Variants in CUL2 observed in about 807,000 individuals in gnomAD.
CUL2 encodes cullin 2.
A neutral mutation model predicts 110.2 loss-of-function variants in CUL2; 22 were observed. The observed-to-expected ratio is 0.20, with a 90% CI of 0.14 to 0.28. The LOEUF (loss-of-function observed/expected upper bound fraction) is 0.28. Among genes scored for constraint, CUL2 ranks in the 10% least tolerant of loss-of-function variants. CUL2 has a pLI of 1.00. For missense variants in CUL2, 631 were observed against 905.5 expected, an observed-to-expected ratio of 0.70 and a Z score of 3.89; for synonymous variants, 279 against 293.2, an observed-to-expected ratio of 0.95 and a Z score of 0.49.
chr10:35,069,174 T>A (rs1373994126), intron 2 of CUL2, among the ~76,000 whole-genome samples: 3 of 152,074 alleles, frequency 2.0e-5, no homozygotes, highest in Non-Finnish European at 2.9e-5. Context: ...GCCTGTACTC[T>A]TTAATCATTA....
At chr10:35,040,859 G>A (rs187341058) in intron 8 of CUL2, among the ~76,000 whole-genome samples, 92 of 152,286 alleles carry the variant, frequency 6.0e-4, no homozygotes, top group African/African-American at 1.8e-3. Flanking sequence ...TGGAGTTTGC[G>A]CTCTGTGAGA....
intron 8 of CUL2, among the ~76,000 whole-genome samples, chr10:35,042,307 G>T (rs78011574): frequency 0.15 from 22,993 of 151,982 alleles, 1,986 homozygotes; most frequent in East Asian, 0.24. Flanking sequence ...CATTTTCATG[G>T]TTCATCCATG....
chr10:35,111,294 C>T (rs867917751), intron 1 of CUL2, among the ~76,000 whole-genome samples: 2 of 151,588 alleles, frequency 1.3e-5, no homozygotes, highest in Non-Finnish European at 1.5e-5. Context: ...GTTCTGTTGC[C>T]CAACTGGAGT....
chr10:35,122,102 AG>A (rs1424458052), intron 1 of CUL2, among the ~76,000 whole-genome samples: 1 of 152,230 alleles, frequency 6.6e-6, no homozygotes, highest in Non-Finnish European at 1.5e-5. Flanking sequence ...TCATAAATCA[AG>A]CACATATTAT....
rs1390178971 is a variant in CUL2 at position 35,068,405 on chromosome 10, C to T, written c.119+2794G>A. ...GCACTATGCCTAACAAAAAAAAGAACTACAACGCACTATGTCTAATAAAAA... is the reference window on the plus strand; with the variant it reads ...GCACTATGCCTAACAAAAAAAAGAATTACAACGCACTATGTCTAATAAAAA... On this transcript the variant is annotated intron_variant, in intron 2 of 20. Coordinates refer to ENST00000374749, the MANE Select transcript of CUL2 (RefSeq NM_003591.4). Among the ~76,000 whole-genome samples the T allele has an allele frequency of 6.6e-5, 10 of 152,048 alleles. 2 individuals are homozygous for T. The highest frequency in any genetic ancestry group is 5.9e-4 in the Admixed American group (9 of 15,256).
upstream of CUL2, among the ~76,000 whole-genome samples, chr10:35,093,379 A>C (rs2087243401): frequency 6.6e-6 from 1 of 151,918 alleles, no homozygotes; most frequent in South Asian, 2.1e-4. Context: ...TTGAAAGAAC[A>C]ATTGACAGAC....
chr10:35,032,361 A>C, intron 12 of CUL2, 74 bp downstream of exon 12: 5 of 1,275,066 alleles, frequency 3.9e-6, no homozygotes, highest in Non-Finnish European at 5.5e-6. Context: ...AACCAAATTA[A>C]TTTGATATTC....
At chr10:35,106,540 G>A (rs995960480) in intron 1 of CUL2, among the ~76,000 whole-genome samples, 2 of 150,622 alleles carry the variant, frequency 1.3e-5, no homozygotes, top group African/African-American at 4.9e-5. Flanking sequence ...CACCGTGTTA[G>A]CCAGGATGGT....
chr10:35,044,085 TG>T (rs2085873538), intron 8 of CUL2, among the ~76,000 whole-genome samples: 1 of 142,720 alleles, frequency 7.0e-6, no homozygotes, highest in South Asian at 2.3e-4. Flanking sequence ...ACACCTCACG[TG>T]GGGTTGTCTC....
chr10:35,030,459 A>G (rs986477529), intron 14 of CUL2, among the ~76,000 whole-genome samples: 4 of 152,068 alleles, frequency 2.6e-5, no homozygotes, highest in Non-Finnish European at 5.9e-5. Flanking sequence ...CATGGCTCAC[A>G]GCAGCCTTGA....
At chr10:35,082,192 G>A (rs2086960236) in intron 1 of CUL2, among the ~76,000 whole-genome samples, 1 of 151,848 alleles carries the variant, frequency 6.6e-6, no homozygotes, top group African/African-American at 2.4e-5. Context: ...ACTCCAGCCT[G>A]GGCAACAGAG....
chr10:35,044,893 A>T, intron 6 of CUL2, 25 bp from the exon 7 acceptor site: 1 of 1,531,232 alleles, frequency 6.5e-7, no homozygotes, highest in Non-Finnish European at 9.0e-7. Context: ...AACACAAAAT[A>T]TTCTTGAGAA....
In CUL2 at chr10:35,013,808, T is replaced by A; in HGVS notation, c.1888-8A>T. On this transcript the variant is annotated splice_polypyrimidine_tract_variant and splice_region_variant and intron_variant, in intron 18 of 20. Coordinates refer to ENST00000374749, the MANE Select transcript of CUL2 (RefSeq NM_003591.4). ...TTCTGCATCAATATCTTCCTACATT[T>A]AAAAATAAAACATTTATATTTATAA... The A allele has an allele frequency of 7.0e-7, 1 of 1,426,098 alleles. No individual in the cohort carries two copies. Among genetic ancestry groups the A allele is most frequent in the Non-Finnish European group, 9.4e-7 (1 of 1,067,394 alleles). The allele number at this position is 1,426,098 out of a possible 1,614,324, so 88.3% of individuals were successfully genotyped here. A position where few individuals can be genotyped will look rare whatever the true frequency, so the allele number is the denominator to read the frequency against.
intron 5 of CUL2, 70 bp downstream of exon 5, chr10:35,054,364 A>G: frequency 1.2e-6 from 1 of 800,066 alleles, no homozygotes; most frequent in Middle Eastern, 2.8e-4. Flanking sequence ...TTAAAAAATG[A>G]TGTGCAATCA....
At chr10:35,120,196 G>A (rs2087661658) in intron 1 of CUL2, among the ~76,000 whole-genome samples, 1 of 152,124 alleles carries the variant, frequency 6.6e-6, no homozygotes, top group Non-Finnish European at 1.5e-5. Context: ...ACACAGAAAG[G>A]CTTAGACACA....
At chr10:35,030,550 C>T (rs1349631322) in intron 14 of CUL2, among the ~76,000 whole-genome samples, 2 of 152,026 alleles carry the variant, frequency 1.3e-5, no homozygotes, top group African/African-American at 4.8e-5. Context: ...GCCCAGCTAA[C>T]TTTTGTATTT....
chr10:35,108,710 G>A (rs573726856), intron 1 of CUL2, among the ~76,000 whole-genome samples: 1 of 152,244 alleles, frequency 6.6e-6, no homozygotes, highest in South Asian at 2.1e-4. Flanking sequence ...TGAGATTTCA[G>A]TCAAAGTATT....
chr10:35,125,374 G>A (rs1191175661), intron 1 of CUL2, among the ~76,000 whole-genome samples: 1 of 152,224 alleles, frequency 6.6e-6, no homozygotes, highest in Non-Finnish European at 1.5e-5. Flanking sequence ...AAAGGAAACC[G>A]TAGAGCAAAT....
upstream of CUL2, among the ~76,000 whole-genome samples, chr10:35,092,099 C>T (rs1268408246): frequency 6.0e-5 from 9 of 150,944 alleles, no homozygotes; most frequent in South Asian, 4.2e-4. Flanking sequence ...ACTACAGGCG[C>T]GTGCGCCACC....
Sources: gnomAD v4.1 joint callset for allele counts (sites outside exome capture counted in the v4.1 genomes callset) on GRCh38, gnomAD v4.1.1 for gene constraint, MANE v1.5 for transcripts, NCBI Gene and HGNC (gene_info 2026-07-23, HGNC 2026-07-21) for gene names.